The following IGF2BP2 variants were observed in gnomAD, a reference collection of about 807,000 sequenced individuals.
IGF2BP2 encodes insulin like growth factor 2 mRNA binding protein 2.
Under a neutral mutation model 75.8 loss-of-function variants are expected in IGF2BP2, and 17 were observed. That is an observed-to-expected ratio of 0.22 (90% CI 0.15 to 0.34). The LOEUF (loss-of-function observed/expected upper bound fraction) is 0.34, where lower values mean the gene tolerates loss of function less well. Ranked by LOEUF, IGF2BP2 falls within the 10% of genes least tolerant of loss-of-function variation. The pLI, the probability that IGF2BP2 is intolerant of heterozygous loss-of-function variation, is 1.00. For synonymous variants in IGF2BP2, 288 were observed against 295.6 expected (o/e 0.97, Z 0.26); for missense variants, 516 against 772.4 (o/e 0.67, Z 3.93).
At chr3:185,650,570 AG>A (rs1486802480) in intron 13 of IGF2BP2, among the ~76,000 whole-genome samples, 1 of 152,084 alleles carries the variant, frequency 6.6e-6, no homozygotes, top group East Asian at 1.9e-4. Context: ...CCAGCTACTC[AG>A]GAGGTTGAAG....
intron 1 of IGF2BP2, 27 bp downstream of exon 1, chr3:185,824,756 G>C (rs1424258568): frequency 6.2e-6 from 8 of 1,295,542 alleles, no homozygotes; most frequent in Non-Finnish European, 8.0e-6. Context: ...GGCGAGGCGG[G>C]GGGAGGGGGC....
At chr3:185,670,406 T>A (rs1718334479) in intron 10 of IGF2BP2, among the ~76,000 whole-genome samples, 1 of 152,174 alleles carries the variant, frequency 6.6e-6, no homozygotes, top group African/African-American at 2.4e-5. Context: ...ATGTATCTAC[T>A]CAGCTCTGCC....
In IGF2BP2 at chr3:185,825,015, G is replaced by A. The variant is rs1378840317; in HGVS notation, c.-55C>T. On this transcript the variant is annotated 5_prime_UTR_variant, in exon 1 of 16. Coordinates refer to ENST00000382199, the MANE Select transcript of IGF2BP2 (RefSeq NM_006548.6). ...CCCGGCCCGGTACCCGGCGCTCCTC[G>A]CCTCCTCCGCTGCCCTCGTCTCTCC... The A allele has an allele frequency of 8.8e-6, 12 of 1,366,976 alleles. No homozygotes were observed. The highest frequency in any genetic ancestry group is 1.2e-5 in the Non-Finnish European group (12 of 1,028,124). The allele number at this position is 1,366,976 out of a possible 1,614,324, so 84.7% of individuals were successfully genotyped here. A position where few individuals can be genotyped will look rare whatever the true frequency, so the allele number is the denominator to read the frequency against.
At chr3:185,667,912 CAATAA>C (rs1168077088) in intron 10 of IGF2BP2, among the ~76,000 whole-genome samples, 1 of 152,128 alleles carries the variant, frequency 6.6e-6, no homozygotes, top group Admixed American at 6.6e-5. Context: ...CATTTTTTAG[CAATAA>C]AATATTTTTA....
chr3:185,709,073 C>T (rs1385556602), intron 2 of IGF2BP2, among the ~76,000 whole-genome samples: 1 of 152,128 alleles, frequency 6.6e-6, no homozygotes, highest in Admixed American at 6.5e-5. Flanking sequence ...AGGGTAAAAA[C>T]AAATATTTAC....
Position 185,690,538 on chromosome 3 carries a change from C to T in IGF2BP2, c.405-911G>A, listed in dbSNP as rs116848285. On this transcript the variant is annotated intron_variant, in intron 5 of 15. Coordinates refer to ENST00000382199, the MANE Select transcript of IGF2BP2 (RefSeq NM_006548.6). ...GACTGTTTAACATTCTATTGATTTA[C>T]CATAGTTTTTGCAACTGATCCTTTA... 5.9e-5 allele frequency among the ~76,000 whole-genome samples: 9 copies of T among 152,278 alleles called. No individual in the cohort carries two copies. In the East Asian group the frequency reaches 1.5e-3, roughly 26 times the overall value.
intron 2 of IGF2BP2, among the ~76,000 whole-genome samples, chr3:185,723,934 C>T (rs964384739): frequency 2.0e-5 from 3 of 152,154 alleles, no homozygotes; most frequent in African/African-American, 4.8e-5. Flanking sequence ...GGGAGGCAAC[C>T]GAAGCGGGTA....
At chr3:185,701,441 G>A (rs532862233) in intron 2 of IGF2BP2, among the ~76,000 whole-genome samples, 2 of 151,196 alleles carry the variant, frequency 1.3e-5, no homozygotes, top group East Asian at 1.9e-4. Context: ...ATTACACTAG[G>A]TATTCTTGAA....
chr3:185,685,251 G>C (rs1720953152), intron 7 of IGF2BP2, among the ~76,000 whole-genome samples: 1 of 152,030 alleles, frequency 6.6e-6, no homozygotes, highest in Non-Finnish European at 1.5e-5. Context: ...GGGAGGCTGA[G>C]GCAGGAGAAT....
At chr3:185,651,052 G>A (rs1317172376) in intron 13 of IGF2BP2, among the ~76,000 whole-genome samples, 2 of 152,140 alleles carry the variant, frequency 1.3e-5, no homozygotes, top group African/African-American at 2.4e-5. Flanking sequence ...GGGACTACAG[G>A]TACATGCTAC....
At chr3:185,657,185 T>C (rs1177983109) in intron 12 of IGF2BP2, 101 bp downstream of exon 12, 5 of 737,500 alleles carry the variant, frequency 6.8e-6, no homozygotes, top group African/African-American at 3.5e-5. Context: ...TGGGACTCTG[T>C]CTCTGCATGG....
At chr3:185,774,594 C>CAAAA (rs10688098) in intron 2 of IGF2BP2, among the ~76,000 whole-genome samples, 2 of 129,034 alleles carry the variant, frequency 1.5e-5, no homozygotes, top group Non-Finnish European at 1.7e-5. Flanking sequence ...GACTCTGTCT[C>CAAAA]AAAAAAAAAA....
chr3:185,686,594 A>G (rs1721169654), intron 7 of IGF2BP2, among the ~76,000 whole-genome samples: 1 of 152,194 alleles, frequency 6.6e-6, no homozygotes, highest in Non-Finnish European at 1.5e-5. Context: ...TACTTTCTAC[A>G]CTTGCACTGT....
At chr3:185,664,894 C>A (rs2149148187) in intron 10 of IGF2BP2, among the ~76,000 whole-genome samples, 1 of 152,182 alleles carries the variant, frequency 6.6e-6, no homozygotes, top group African/African-American at 2.4e-5. Flanking sequence ...AAAACATTCT[C>A]CTGAGCCAAA....
At chr3:185,646,315 C>G (rs567005457) in intron 15 of IGF2BP2, among the ~76,000 whole-genome samples, 2 of 152,306 alleles carry the variant, frequency 1.3e-5, no homozygotes, top group Non-Finnish European at 2.9e-5. Flanking sequence ...GGCAGCTGCC[C>G]TTTCCTGGAC....
At chr3:185,753,879 C>T (rs1022750900) in intron 2 of IGF2BP2, among the ~76,000 whole-genome samples, 6 of 152,030 alleles carry the variant, frequency 3.9e-5, no homozygotes, top group African/African-American at 7.2e-5. Context: ...TGAGTTCTCA[C>T]TCAGTTAGTG....
intron 2 of IGF2BP2, among the ~76,000 whole-genome samples, chr3:185,769,743 C>T (rs990420842): frequency 6.9e-6 from 1 of 144,560 alleles, no homozygotes; most frequent in African/African-American, 2.6e-5. Context: ...GTGGAAGGAT[C>T]GATTGAGCCC....
intron 2 of IGF2BP2, chr3:185,722,129 T>C (rs757087983): frequency 5.4e-6 from 2 of 371,066 alleles, no homozygotes; most frequent in South Asian, 4.0e-5. Flanking sequence ...AGAGAGTGTC[T>C]CACTATGTTG....
intron 2 of IGF2BP2, among the ~76,000 whole-genome samples, chr3:185,705,599 G>C (rs778146019): frequency 4.6e-5 from 7 of 152,078 alleles, no homozygotes; most frequent in Non-Finnish European, 8.8e-5. Context: ...GATGTATCTT[G>C]GTCTGTTTGG....
Sources: allele counts gnomAD v4.1 joint callset (sites outside exome capture counted in the v4.1 genomes callset), GRCh38; gene constraint gnomAD v4.1.1; transcripts MANE v1.5; gene names NCBI Gene and HGNC (gene_info 2026-07-23, HGNC 2026-07-21).